SPOCK3: variants seen among roughly 807,000 people sequenced by gnomAD.
SPOCK3 encodes the protein SPARC (osteonectin), cwcv and kazal like domains proteoglycan 3, also known as testican-3.
In SPOCK3, 30 loss-of-function variants were observed where a neutral mutation model predicts 56.6. That is an observed-to-expected ratio of 0.53 (90% CI 0.40 to 0.72). The LOEUF is 0.72. Among genes scored for constraint, SPOCK3 ranks in the 30% least tolerant of loss-of-function variants. The pLI is 0.00. For missense variants in SPOCK3, 527 were observed against 530.0 expected, an observed-to-expected ratio of 0.99 and a Z score of 0.06; for synonymous variants, 196 against 183.3, an observed-to-expected ratio of 1.07 and a Z score of -0.56.
At chr4:167,102,245 C>A (rs1759717429) in intron 2 of SPOCK3, among the ~76,000 whole-genome samples, 1 of 152,006 alleles carries the variant, frequency 6.6e-6, no homozygotes, top group African/African-American at 2.4e-5. Context: ...TAATAAAGCA[C>A]AAAGATCAGG....
intron 8 of SPOCK3, 58 bp from the exon 9 acceptor site, chr4:166,742,117 T>C: frequency 1.6e-6 from 2 of 1,263,212 alleles, no homozygotes; most frequent in Non-Finnish European, 2.3e-6. Context: ...GAAAGTGTAA[T>C]TTCTATGTTA....
At chr4:167,118,035 T>C (rs867490586) in intron 2 of SPOCK3, among the ~76,000 whole-genome samples, 2 of 152,158 alleles carry the variant, frequency 1.3e-5, no homozygotes, top group African/African-American at 4.8e-5. Context: ...TTATGTGACC[T>C]ATAATTAGAA....
intron 6 of SPOCK3, among the ~76,000 whole-genome samples, chr4:166,844,422 T>G (rs2126846402): frequency 6.6e-6 from 1 of 152,338 alleles, no homozygotes; most frequent in East Asian, 1.9e-4. Context: ...TAAAACATAA[T>G]TCTAGATGGT....
intron 2 of SPOCK3, among the ~76,000 whole-genome samples, chr4:167,180,196 A>ACAGTAAC: frequency 6.6e-6 from 1 of 152,264 alleles, no homozygotes; most frequent in Non-Finnish European, 1.5e-5. Context: ...ATACGGAAAA[A>ACAGTAAC]CAGTAACCAC....
intron 2 of SPOCK3, among the ~76,000 whole-genome samples, chr4:167,233,451 A>G (rs535743207): frequency 1.1e-4 from 17 of 152,306 alleles, no homozygotes; most frequent in South Asian, 4.1e-4. Context: ...AATCTGATCG[A>G]CAATTTTATG....
chr4:167,018,203 A>G (rs1456972589), intron 3 of SPOCK3, among the ~76,000 whole-genome samples: 2 of 152,126 alleles, frequency 1.3e-5, no homozygotes, highest in Non-Finnish European at 2.9e-5. Context: ...GCAGTGTTCA[A>G]TTTGCTCCTG....
chr4:166,896,297 C>T (rs541997680), intron 5 of SPOCK3, among the ~76,000 whole-genome samples: 22 of 152,194 alleles, frequency 1.4e-4, no homozygotes, highest in Admixed American at 6.5e-4. Flanking sequence ...AGAGCAAGAT[C>T]GGCTTCAGTG....
intron 6 of SPOCK3, among the ~76,000 whole-genome samples, chr4:166,836,633 T>C (rs1011451493): frequency 6.6e-6 from 1 of 152,042 alleles, no homozygotes; most frequent in Admixed American, 6.6e-5. Flanking sequence ...TATGGAGTGG[T>C]TTTTGTTTTT....
At chr4:167,023,279 A>G in intron 3 of SPOCK3, among the ~76,000 whole-genome samples, 1 of 152,038 alleles carries the variant, frequency 6.6e-6, no homozygotes. Context: ...ATGAACTCAG[A>G]AAAAAAGACT....
At chr4:166,996,645 ACAGAAAGTTAG>A (rs1251341594) in intron 4 of SPOCK3, among the ~76,000 whole-genome samples, 1 of 152,152 alleles carries the variant, frequency 6.6e-6, no homozygotes, top group Non-Finnish European at 1.5e-5. Flanking sequence ...GATAAAGGTA[ACAGAAAGTTAG>A]CACAATGACA....
At chr4:167,017,488 T>C (rs924253452) in intron 3 of SPOCK3, among the ~76,000 whole-genome samples, 1 of 152,040 alleles carries the variant, frequency 6.6e-6, no homozygotes, top group Non-Finnish European at 1.5e-5. Flanking sequence ...ACTGGATAGA[T>C]AGAGGCCATG....
chr4:167,042,874 G>T (rs555203169), intron 3 of SPOCK3, among the ~76,000 whole-genome samples: 48 of 152,162 alleles, frequency 3.2e-4, no homozygotes, highest in Non-Finnish European at 4.9e-4. Flanking sequence ...TGGGTTAAGG[G>T]GTAGTTATTT....
chr4:167,188,059 G>A (rs1186735534), intron 2 of SPOCK3, among the ~76,000 whole-genome samples: 1 of 115,910 alleles, frequency 8.6e-6, no homozygotes, highest in Non-Finnish European at 1.8e-5. Context: ...TAAAAGTTGA[G>A]GATAGAGAAA....
chr4:167,205,530 TTA>T, intron 2 of SPOCK3, among the ~76,000 whole-genome samples: 1 of 60,206 alleles, frequency 1.7e-5, no homozygotes, highest in Admixed American at 3.5e-4. Flanking sequence ...ATATATATTA[TTA>T]TATAATATAT....
intron 4 of SPOCK3, among the ~76,000 whole-genome samples, chr4:166,946,142 T>C (rs1741718808): frequency 6.6e-6 from 1 of 152,096 alleles, no homozygotes; most frequent in South Asian, 2.1e-4. Context: ...TCTGTTTTGC[T>C]CATAAAAATG....
At chr4:167,065,150 C>T (rs1216165504) in intron 2 of SPOCK3, among the ~76,000 whole-genome samples, 10 of 150,068 alleles carry the variant, frequency 6.7e-5, no homozygotes, top group Admixed American at 6.0e-4. Flanking sequence ...TCAGACTGTA[C>T]TGACATGGTA....
chr4:166,814,563 T>G (rs1744193347), intron 6 of SPOCK3, among the ~76,000 whole-genome samples: 1 of 152,092 alleles, frequency 6.6e-6, no homozygotes, highest in Non-Finnish European at 1.5e-5. Context: ...GATGTTTCCT[T>G]CTATTCCTCC....
chr4:166,968,365 T>C (rs1744983052), intron 4 of SPOCK3, among the ~76,000 whole-genome samples: 1 of 152,164 alleles, frequency 6.6e-6, no homozygotes, highest in Admixed American at 6.5e-5. Context: ...GCAGAGACCT[T>C]CGTGGCAGCC....
intron 2 of SPOCK3, among the ~76,000 whole-genome samples, chr4:167,230,865 GAC>G: frequency 6.6e-6 from 1 of 152,062 alleles, no homozygotes; most frequent in Non-Finnish European, 1.5e-5. Context: ...TTATTCAACA[GAC>G]ATTGCTAGCA....
Sources: gnomAD v4.1 joint callset for allele counts (sites outside exome capture counted in the v4.1 genomes callset) on GRCh38, gnomAD v4.1.1 for gene constraint, MANE v1.5 for transcripts, NCBI Gene and HGNC (gene_info 2026-07-23, HGNC 2026-07-21) for gene names.